Variants in MEI1 observed in about 807,000 individuals in gnomAD.
MEI1 encodes meiotic double-stranded break formation protein 1.
In MEI1, 103 loss-of-function variants were observed where a neutral mutation model predicts 146.2. The ratio of observed to expected loss-of-function variants is 0.70; its 90% CI spans 0.60 to 0.83. The LOEUF is 0.83. Among genes scored for constraint, MEI1 ranks in the 40% least tolerant of loss-of-function variants. MEI1 has a pLI of 0.00. For missense variants in MEI1, 1,529 were observed against 1,533.0 expected (o/e 1.00, Z 0.04); for synonymous variants, 652 against 628.2 (o/e 1.04, Z -0.57).
intron 26 of MEI1, among the ~76,000 whole-genome samples, chr22:41,785,297 C>T (rs571276411): frequency 6.7e-6 from 1 of 148,976 alleles, no homozygotes; most frequent in Non-Finnish European, 1.5e-5. Flanking sequence ...GAGTCTAGCT[C>T]TGTCGCCCAG....
chr22:41,720,395 A>G (rs755977855), intron 6 of MEI1, among the ~76,000 whole-genome samples: 3 of 152,140 alleles, frequency 2.0e-5, no homozygotes, highest in Non-Finnish European at 4.4e-5. Context: ...TCAACTGGTT[A>G]TACTGGGAAT....
At chr22:41,717,618 C>CTT (rs386395487) in intron 5 of MEI1, among the ~76,000 whole-genome samples, 2,331 of 138,272 alleles carry the variant, frequency 0.017, 27 homozygotes, top group African/African-American at 0.036. Flanking sequence ...TTTTTCTTTT[C>CTT]TTTTTTTTTT....
intron 8 of MEI1, among the ~76,000 whole-genome samples, chr22:41,729,995 T>A (rs2071716480): frequency 6.6e-6 from 1 of 152,214 alleles, no homozygotes; most frequent in Admixed American, 6.5e-5. Flanking sequence ...TGAAAAGACC[T>A]GTGGACCAGG....
chr22:41,715,098 T>G (rs2069979572), intron 4 of MEI1, among the ~76,000 whole-genome samples: 1 of 152,176 alleles, frequency 6.6e-6, no homozygotes, highest in African/African-American at 2.4e-5. Flanking sequence ...TATATATCAG[T>G]GCTTATGATT....
At chr22:41,710,060 T>A (rs1286032943) in intron 3 of MEI1, among the ~76,000 whole-genome samples, 1 of 151,848 alleles carries the variant, frequency 6.6e-6, no homozygotes, top group African/African-American at 2.4e-5. Flanking sequence ...CTTTAAAAAG[T>A]TGATTAAGCT....
intron 12 of MEI1, among the ~76,000 whole-genome samples, chr22:41,743,532 G>A (rs1001058745): frequency 3.9e-5 from 6 of 152,130 alleles, no homozygotes; most frequent in South Asian, 2.1e-4. Flanking sequence ...AGCAGATAGG[G>A]TAAACATGCT....
intron 15 of MEI1, among the ~76,000 whole-genome samples, chr22:41,749,083 C>T (rs1464642791): frequency 6.6e-6 from 1 of 152,070 alleles, no homozygotes; most frequent in Non-Finnish European, 1.5e-5. Flanking sequence ...GGATTACAGG[C>T]GTGAGCGACC....
intron 1 of MEI1, 142 bp downstream of exon 1, chr22:41,699,854 C>A: frequency 8.8e-7 from 1 of 1,130,280 alleles, no homozygotes; most frequent in Non-Finnish European, 1.2e-6. Flanking sequence ...TCCCTGTCAG[C>A]CCGTCCCGGA....
chr22:41,747,855 A>G (rs576316140), intron 14 of MEI1, among the ~76,000 whole-genome samples: 1 of 152,040 alleles, frequency 6.6e-6, no homozygotes, highest in South Asian at 2.1e-4. Context: ...ACCAGACCAC[A>G]TTTGTTTCTG....
intron 11 of MEI1, among the ~76,000 whole-genome samples, chr22:41,738,666 C>T (rs1046415917): frequency 2.8e-4 from 40 of 144,498 alleles, no homozygotes; most frequent in African/African-American, 6.5e-4. Flanking sequence ...CAGTTACTTG[C>T]GAGGCTGAGG....
intron 3 of MEI1, among the ~76,000 whole-genome samples, chr22:41,710,586 C>G (rs1182249090): frequency 1.3e-5 from 2 of 152,160 alleles, no homozygotes; most frequent in Non-Finnish European, 2.9e-5. Context: ...ATTCCACATT[C>G]TTTTAGGTCA....
rs5758448 is a variant in MEI1 at position 41,743,821 on chromosome 22, A to G, written c.1446+627A>G. On this transcript the variant is annotated intron_variant, in intron 12 of 30. Coordinates refer to ENST00000401548, the MANE Select transcript of MEI1 (RefSeq NM_152513.4). ...ACAGCTTTCTGCATATAATAGACCA[A>G]TAGTCATTCCTGTGGTTCAGAGAGA... Among the ~76,000 whole-genome samples the G allele has an allele frequency of 2.9e-4, 44 of 152,264 alleles. No homozygotes were observed. The East Asian group carries it at 5.2e-3, about 18-fold the overall frequency.
Position 41,732,607 on chromosome 22 carries a change from A to G in MEI1, c.1331+4A>G. The G allele has an allele frequency of 6.2e-7, 1 of 1,612,088 alleles. No individual in the cohort carries two copies. Among genetic ancestry groups the G allele is most frequent in the Non-Finnish European group, 8.5e-7 (1 of 1,179,248 alleles). The stretch of plus-strand genomic sequence containing the variant: ...AGGCCACTTCTGCTTTTCTGAGGTG[A>G]GAGACCCAGGCAGGCTGAACTTTCC... On this transcript the variant is annotated splice_donor_region_variant and intron_variant, in intron 11 of 30. Coordinates refer to ENST00000401548, the MANE Select transcript of MEI1 (RefSeq NM_152513.4).
intron 21 of MEI1, among the ~76,000 whole-genome samples, chr22:41,778,197 G>A (rs2075567011): frequency 6.6e-6 from 1 of 152,142 alleles, no homozygotes; most frequent in African/African-American, 2.4e-5. Flanking sequence ...GTGAGGGAGG[G>A]AGCTCCTCGC....
intron 6 of MEI1, among the ~76,000 whole-genome samples, chr22:41,721,224 C>T (rs991669615): frequency 4.0e-5 from 6 of 149,632 alleles, no homozygotes; most frequent in Non-Finnish European, 5.9e-5. Context: ...AGGTGTTAGC[C>T]ACCACGCCCG....
intron 11 of MEI1, among the ~76,000 whole-genome samples, chr22:41,742,405 T>G (rs911453396): frequency 3.3e-5 from 5 of 152,212 alleles, no homozygotes; most frequent in Admixed American, 1.3e-4. Context: ...AGGTAGTGCT[T>G]CTTTTACCAG....
chr22:41,752,425 G>A (rs1245474300), intron 15 of MEI1, 166 bp from the exon 16 acceptor site: 1 of 625,956 alleles, frequency 1.6e-6, no homozygotes, highest in African/African-American at 1.8e-5. Flanking sequence ...TCTCAGAGAA[G>A]TTAAAAAACT....
At chr22:41,754,287 T>C (rs1227877208) in intron 17 of MEI1, among the ~76,000 whole-genome samples, 1 of 152,122 alleles carries the variant, frequency 6.6e-6, no homozygotes, top group Non-Finnish European at 1.5e-5. Context: ...CTAATGTTCA[T>C]CAAGTCCAGT....
At chr22:41,781,973 C>G (rs2075773937) in intron 24 of MEI1, 128 bp downstream of exon 24, 1 of 1,010,564 alleles carries the variant, frequency 9.9e-7, no homozygotes, top group South Asian at 1.7e-5. Flanking sequence ...TTTACCCTTT[C>G]TGAGCTCAGT....
Sources: allele counts gnomAD v4.1 joint callset (sites outside exome capture counted in the v4.1 genomes callset), GRCh38; gene constraint gnomAD v4.1.1; transcripts MANE v1.5; gene names NCBI Gene and HGNC (gene_info 2026-07-23, HGNC 2026-07-21).